Variants in ELF1 observed in about 807,000 individuals in gnomAD.
ELF1 encodes the protein ETS-related transcription factor Elf-1.
Under a neutral mutation model 59.9 loss-of-function variants are expected in ELF1, and 24 were observed. The ratio of observed to expected loss-of-function variants is 0.40; its 90% CI spans 0.29 to 0.56. The LOEUF is 0.56. ELF1 is among the 20% of genes least tolerant of loss of function. The pLI is 0.44. For missense variants in ELF1, 627 were observed against 742.2 expected, an observed-to-expected ratio of 0.84 and a Z score of 1.80; for synonymous variants, 248 against 266.2, an observed-to-expected ratio of 0.93 and a Z score of 0.67.
intron 1 of ELF1, among the ~76,000 whole-genome samples, chr13:41,006,013 C>T (rs1474916207): frequency 2.0e-5 from 3 of 152,116 alleles, no homozygotes; most frequent in African/African-American, 7.2e-5. Context: ...TGTCCAAAAC[C>T]ACTCTTCATA....
chr13:40,940,399 A>C (rs1471170477), intron 8 of ELF1, among the ~76,000 whole-genome samples: 3 of 37,840 alleles, frequency 7.9e-5, no homozygotes, highest in African/African-American at 9.0e-5. Flanking sequence ...AAAAAAAAAA[A>C]AAAAAAAAAA....
chr13:41,035,273 G>A lies in ELF1; in HGVS notation c.-229+25565C>T, dbSNP rs143389263. ...TACCTGGTAAAGAACATTACATTCC[G>A]TATCATTTGTTTACACGCCTCATTG... On this transcript the variant is annotated intron_variant, in intron 1 of 1. Transcript: ENST00000405737. Among the ~76,000 whole-genome samples the A allele has an allele frequency of 5.3e-5, 8 of 152,210 alleles. 1 individual carries two copies. In the South Asian group the frequency reaches 6.2e-4, roughly 12 times the overall value.
intron 2 of ELF1, among the ~76,000 whole-genome samples, chr13:40,976,446 C>A (rs1172572492): frequency 1.3e-5 from 2 of 152,182 alleles, no homozygotes; most frequent in African/African-American, 4.8e-5. Context: ...CAGCACTTTG[C>A]ATTTATCTGT....
At chr13:41,057,301 C>G (rs975777017) in intron 1 of ELF1, among the ~76,000 whole-genome samples, 1 of 151,724 alleles carries the variant, frequency 6.6e-6, no homozygotes, top group East Asian at 1.9e-4. Flanking sequence ...GGACTACAGG[C>G]ATGTGGCATC....
At chr13:40,974,282 T>C (rs1872769083) in intron 2 of ELF1, among the ~76,000 whole-genome samples, 1 of 152,180 alleles carries the variant, frequency 6.6e-6, no homozygotes, top group Admixed American at 6.6e-5. Context: ...TTAGTAACAC[T>C]TTTTTGCCAA....
chr13:41,059,326 T>C (rs1324337225), intron 1 of ELF1, among the ~76,000 whole-genome samples: 1 of 152,202 alleles, frequency 6.6e-6, no homozygotes, highest in Admixed American at 6.5e-5. Flanking sequence ...CTAGCTAACA[T>C]AAAGAATACA....
chr13:41,042,316 A>T (rs2324779), intron 1 of ELF1, among the ~76,000 whole-genome samples: 51,530 of 146,064 alleles, frequency 0.35, 10,123 homozygotes, highest in Admixed American at 0.48. Flanking sequence ...TTTTTTTTTT[A>T]TTATTATTAT....
intron 1 of ELF1, among the ~76,000 whole-genome samples, chr13:41,041,448 G>C (rs953867300): frequency 6.6e-6 from 1 of 152,082 alleles, no homozygotes; most frequent in Non-Finnish European, 1.5e-5. Context: ...GGAGGCTGAG[G>C]CAGGAAAATC....
intron 1 of ELF1, among the ~76,000 whole-genome samples, chr13:41,059,551 A>G (rs530956926): frequency 8.5e-5 from 13 of 152,334 alleles, no homozygotes; most frequent in African/African-American, 3.1e-4. Context: ...AACAACCAAA[A>G]CATCTGCTTT....
chr13:41,060,454 G>A (rs568789898), intron 1 of ELF1, among the ~76,000 whole-genome samples: 2 of 152,302 alleles, frequency 1.3e-5, no homozygotes, highest in East Asian at 1.9e-4. Flanking sequence ...CCGGAGGGGC[G>A]GGGGAGCAGC....
intron 1 of ELF1, among the ~76,000 whole-genome samples, chr13:41,048,241 C>T (rs983604376): frequency 1.3e-5 from 2 of 152,222 alleles, no homozygotes; most frequent in African/African-American, 2.4e-5. Context: ...GGCGATGCCT[C>T]GCCCTGCTTC....
At position 40,951,445 on chromosome 13, in the gene ELF1, C is replaced by T; in HGVS notation, c.254-9G>A. Reference sequence around the variant, plus strand: ...ATGACAAGAAGCTTCAACTGCAACACATTTAAAGAGAAAATTAAATTAACT... The same window carrying T: ...ATGACAAGAAGCTTCAACTGCAACATATTTAAAGAGAAAATTAAATTAACT... On this transcript the variant is annotated splice_polypyrimidine_tract_variant and intron_variant, in intron 3 of 8. Transcript: ENST00000239882. 3 of 1,611,792 alleles carry T rather than the reference C, an allele frequency of 1.9e-6. No homozygotes were observed. Among genetic ancestry groups the T allele is most frequent in the Non-Finnish European group, 2.5e-6 (3 of 1,178,372 alleles).
intron 2 of ELF1, among the ~76,000 whole-genome samples, chr13:40,972,286 A>C (rs570800126): frequency 6.4e-4 from 97 of 152,314 alleles, no homozygotes; most frequent in African/African-American, 2.2e-3. Flanking sequence ...GTGGTACTCC[A>C]AAAAAACTGA....
chr13:41,005,957 C>T (rs1874730205), intron 1 of ELF1, among the ~76,000 whole-genome samples: 1 of 152,168 alleles, frequency 6.6e-6, no homozygotes. Flanking sequence ...TAAGTTGCCA[C>T]AATTACAATT....
chr13:40,958,215 A>G (rs1326626821), intron 3 of ELF1, among the ~76,000 whole-genome samples: 1 of 152,246 alleles, frequency 6.6e-6, no homozygotes, highest in Non-Finnish European at 1.5e-5. Context: ...CTTCAAGTTT[A>G]AAATATCTTA....
intron 1 of ELF1, among the ~76,000 whole-genome samples, chr13:41,037,094 A>G (rs2138415175): frequency 6.6e-6 from 1 of 151,928 alleles, no homozygotes; most frequent in East Asian, 1.9e-4. Context: ...CCTAGAACTT[A>G]AAGTATAATA....
intron 1 of ELF1, among the ~76,000 whole-genome samples, chr13:41,050,330 G>C (rs1437114865): frequency 6.6e-6 from 1 of 152,170 alleles, no homozygotes; most frequent in Non-Finnish European, 1.5e-5. Context: ...CATGTTGTCA[G>C]AATTTCCTTC....
At chr13:40,992,940 TTTTC>T (rs768460623) in intron 1 of ELF1, 131 of 782,318 alleles carry the variant, frequency 1.7e-4, no homozygotes, top group Admixed American at 3.5e-4. Context: ...GCCTTTTCTC[TTTTC>T]TTTGATTACT....
chr13:40,940,864 A>G, intron 8 of ELF1, 57 bp downstream of exon 8: 2 of 1,503,704 alleles, frequency 1.3e-6, no homozygotes, highest in Non-Finnish European at 1.8e-6. Context: ...TTAACAAATA[A>G]TGTCTCTGGT....
Sources: allele counts gnomAD v4.1 joint callset (sites outside exome capture counted in the v4.1 genomes callset), GRCh38; gene constraint gnomAD v4.1.1; transcripts MANE v1.5; gene names NCBI Gene and HGNC (gene_info 2026-07-23, HGNC 2026-07-21).